Variants in RDX observed in about 807,000 individuals in gnomAD.
RDX encodes deafness, autosomal recessive 24.
Under a neutral mutation model 83.7 loss-of-function variants are expected in RDX, and 32 were observed. The observed-to-expected ratio is 0.38, with a 90% CI of 0.29 to 0.51. The LOEUF is 0.51. RDX is among the 20% of genes least tolerant of loss of function. RDX has a pLI of 0.87. For missense variants in RDX, 600 were observed against 689.9 expected (o/e 0.87, Z 1.46); for synonymous variants, 229 against 222.7 (o/e 1.03, Z -0.25).
At chr11:110,260,957 G>C (rs1221284536) in intron 5 of RDX, among the ~76,000 whole-genome samples, 2 of 151,904 alleles carry the variant, frequency 1.3e-5, no homozygotes, top group Non-Finnish European at 2.9e-5. Context: ...TCTGTGGTTG[G>C]TTGACTCTGT....
At chr11:110,185,234 T>G (rs1357166405) in intron 15 of RDX, 1 of 152,200 alleles carries the variant, frequency 6.6e-6, no homozygotes, top group Non-Finnish European at 1.5e-5. Context: ...ATGAGGATAA[T>G]CCATAATCAT....
intron 14 of RDX, among the ~76,000 whole-genome samples, chr11:110,207,920 A>T (rs1325622325): frequency 6.6e-6 from 1 of 152,278 alleles, no homozygotes; most frequent in Middle Eastern, 3.4e-3. Context: ...TCTGTTGAAA[A>T]CGCAATTTTC....
chr11:110,196,991 T>C (rs1863229746), intron 15 of RDX, among the ~76,000 whole-genome samples: 2 of 152,140 alleles, frequency 1.3e-5, no homozygotes, highest in Non-Finnish European at 2.9e-5. Flanking sequence ...CTCGACCTCC[T>C]GGGCTTAAGC....
chr11:110,275,969 T>C (rs1407148993), intron 2 of RDX, among the ~76,000 whole-genome samples: 1 of 151,670 alleles, frequency 6.6e-6, no homozygotes, highest in Admixed American at 6.6e-5. Context: ...ATTTTTAGTA[T>C]AAACGGGCCA....
rs11335075 is a variant in RDX, at chr11:110,284,526, A to AT, written c.-64-4771dup. On this transcript the variant is annotated intron_variant, in intron 1 of 13. Coordinates refer to ENST00000645495, the MANE Select transcript of RDX (RefSeq NM_002906.4). ...ACAGAAAAACACAGGTATTATTATT[A>AT]TTTTTTTTTTTTTTGAGATGGTCTC... Among the ~76,000 whole-genome samples, 1,142 of 144,850 alleles carry AT rather than the reference A, an allele frequency of 7.9e-3. 8 individuals are homozygous for AT. Among genetic ancestry groups the AT allele is most frequent in the Middle Eastern group, 0.042 (12 of 288 alleles).
chr11:110,233,391 A>T lies in RDX; in HGVS notation c.1433T>A (p.Val478Asp). 5 of 1,613,986 alleles carry T rather than the reference A, an allele frequency of 3.1e-6. No individual in the cohort carries two copies. The highest frequency in any genetic ancestry group is 4.2e-6 in the Non-Finnish European group (5 of 1,179,998). Residue 478 changes from valine (V) to aspartate (D), a missense_variant, in exon 13 of 14, where the codon GTC becomes GAC. Physicochemically the swap from Val to Asp is radical, Grantham distance 152 (BLOSUM62 -3). Transcript: ENST00000645495. ...SAPPPPPPPP[V>D]IPPTENEHDE... ...ATGTTCGTTTTCTGTTGGAGGAATG[A>T]CTGGTGGTGGTGGAGGTGGAGGGGG...
downstream of RDX, among the ~76,000 whole-genome samples, chr11:110,225,318 G>GA (rs1348512424): frequency 6.6e-6 from 1 of 152,014 alleles, no homozygotes; most frequent in Non-Finnish European, 1.5e-5. Flanking sequence ...TTCACAATGG[G>GA]AAAAAAGATT....
intron 2 of RDX, among the ~76,000 whole-genome samples, chr11:110,276,424 G>A (rs964637644): frequency 1.3e-5 from 2 of 152,048 alleles, no homozygotes; most frequent in Admixed American, 1.3e-4. Flanking sequence ...ATATGTGGTA[G>A]GGCAAGTCTC....
At chr11:110,238,523 T>C (rs187485159) in intron 10 of RDX, among the ~76,000 whole-genome samples, 305 of 152,302 alleles carry the variant, frequency 2.0e-3, no homozygotes, top group South Asian at 5.6e-3. Flanking sequence ...TAAGAAAATC[T>C]ATATGTCATG....
downstream of RDX, among the ~76,000 whole-genome samples, chr11:110,226,942 T>C (rs1412634311): frequency 6.6e-6 from 1 of 152,178 alleles, no homozygotes; most frequent in African/African-American, 2.4e-5. Flanking sequence ...CTTATTGATC[T>C]TCCTTTTATT....
At chr11:110,239,751 G>A (rs780814833) in intron 10 of RDX, among the ~76,000 whole-genome samples, 4 of 151,396 alleles carry the variant, frequency 2.6e-5, no homozygotes, top group Non-Finnish European at 5.9e-5. Flanking sequence ...GGTGGCACAT[G>A]TAATCCCAGT....
chr11:110,278,856 T>C (rs1028210972), intron 2 of RDX, among the ~76,000 whole-genome samples: 2 of 149,396 alleles, frequency 1.3e-5, no homozygotes, highest in African/African-American at 4.9e-5. Context: ...AAAAGAAACA[T>C]TCAAAAAAAA....
intron 15 of RDX, among the ~76,000 whole-genome samples, chr11:110,183,525 T>G (rs1862929044): frequency 6.6e-6 from 1 of 152,222 alleles, no homozygotes; most frequent in South Asian, 2.1e-4. Context: ...TGTCCCACTA[T>G]GATGCTCAGA....
chr11:110,253,816 GTC>G, intron 9 of RDX, 128 bp downstream of exon 9: 10 of 804,878 alleles, frequency 1.2e-5, no homozygotes, highest in Non-Finnish European at 2.0e-5. Flanking sequence ...TGATAATACT[GTC>G]TTTGAATTTT....
chr11:110,225,498 A>G (rs1864402024), downstream of RDX, among the ~76,000 whole-genome samples: 1 of 152,212 alleles, frequency 6.6e-6, no homozygotes, highest in South Asian at 2.1e-4. Flanking sequence ...TAAACACATG[A>G]AAAAAGTCTA....
rs75250652 is a variant in RDX, at chr11:110,220,441, T to A, written c.1748+11432A>T. On this transcript the variant is annotated intron_variant, in intron 14 of 15. Coordinates refer to the RDX transcript ENST00000528498. The stretch of plus-strand genomic sequence containing the variant: ...GTCTCAGAAGTGGCCAGGCCAAGAT[T>A]CAAACCCGAGGTGGGAATCTAAAAC... 2.5e-4 allele frequency among the ~76,000 whole-genome samples: 38 copies of A among 152,298 alleles called. No homozygotes were observed. In the East Asian group the frequency reaches 3.9e-3, roughly 15 times the overall value.
In RDX at chr11:110,233,311, C is replaced by T; in HGVS notation, c.1513G>A (p.Val505Ile). The change falls in exon 13 of 14, where the codon GTA becomes ATA. Residue 505 changes from valine (V) to isoleucine (I), a missense_variant. Physicochemically the swap from Val to Ile is conservative, Grantham distance 29 (BLOSUM62 3). Transcript: ENST00000645495. ...TCTTCCTCGCTTCTATGGTTCATTA[C>T]CCCTTCATTTGATAATTCAGCACTA... ...EASAELSNEG[V>I]MNHRSEEERV... The T allele has an allele frequency of 1.2e-6, 2 of 1,614,110 alleles. No individual in the cohort carries two copies. Among genetic ancestry groups the T allele is most frequent in the East Asian group, 2.2e-5 (1 of 44,880 alleles).
intron 10 of RDX, among the ~76,000 whole-genome samples, chr11:110,245,020 A>C (rs1054991474): frequency 6.7e-6 from 1 of 148,428 alleles, no homozygotes; most frequent in African/African-American, 2.5e-5. Context: ...GCAGAAGCGC[A>C]GTAGTGCAGT....
intron 10 of RDX, among the ~76,000 whole-genome samples, chr11:110,238,654 T>A (rs1265201627): frequency 6.6e-6 from 1 of 152,196 alleles, no homozygotes; most frequent in Non-Finnish European, 1.5e-5. Flanking sequence ...CCAGGTGTTG[T>A]GGCTCATGCC....
Sources: gnomAD v4.1 joint callset for allele counts (sites outside exome capture counted in the v4.1 genomes callset) on GRCh38, gnomAD v4.1.1 for gene constraint, MANE v1.5 for transcripts, NCBI Gene and HGNC (gene_info 2026-07-23, HGNC 2026-07-21) for gene names.